Variants in ERBB4 observed in about 807,000 individuals in gnomAD.
The protein encoded by ERBB4 is erb-b2 receptor tyrosine kinase 4, also known as receptor tyrosine-protein kinase erbB-4.
ERBB4 carries 42 observed loss-of-function variants against 158.0 expected under a neutral mutation model. That is an observed-to-expected ratio of 0.27 (90% CI 0.21 to 0.34). The LOEUF is 0.34. Among genes scored for constraint, ERBB4 ranks in the 10% least tolerant of loss-of-function variants. The pLI, the probability that ERBB4 is intolerant of heterozygous loss-of-function variation, is 1.00. For synonymous variants in ERBB4, 583 were observed against 558.7 expected, an observed-to-expected ratio of 1.04 and a Z score of -0.61; for missense variants, 1,333 against 1,624.1, an observed-to-expected ratio of 0.82 and a Z score of 3.08.
intron 1 of ERBB4, among the ~76,000 whole-genome samples, chr2:212,331,071 T>TATATATATATATATAC (rs147932949): frequency 0.058 from 7,009 of 119,942 alleles, 574 homozygotes; most frequent in African/African-American, 0.092. Context: ...TATATATATA[T>TATATATATATATATAC]ACACATATAT....
intron 14 of ERBB4, among the ~76,000 whole-genome samples, chr2:211,668,031 T>C (rs2071694789): frequency 6.6e-6 from 1 of 152,198 alleles, no homozygotes; most frequent in Admixed American, 6.5e-5. Context: ...GCCTACTTTA[T>C]ACCTAGGCCA....
At chr2:211,976,405 T>C (rs2081607058) in intron 2 of ERBB4, among the ~76,000 whole-genome samples, 2 of 152,178 alleles carry the variant, frequency 1.3e-5, no homozygotes, top group Admixed American at 1.3e-4. Context: ...GAAAATATTT[T>C]ACATTATCTT....
chr2:211,651,480 A>G (rs945681858), intron 16 of ERBB4, among the ~76,000 whole-genome samples: 1 of 152,142 alleles, frequency 6.6e-6, no homozygotes, highest in African/African-American at 2.4e-5. Flanking sequence ...TTTCCCACTT[A>G]TTTAAATTCT....
intron 4 of ERBB4, among the ~76,000 whole-genome samples, chr2:211,774,130 T>C (rs937724576): frequency 6.6e-6 from 1 of 151,004 alleles, no homozygotes; most frequent in Admixed American, 6.6e-5. Flanking sequence ...TGGAGTGCAA[T>C]GGTGTGATCT....
At chr2:211,635,186 G>GTTGTTTGTTTTTT (rs2125883337) in intron 16 of ERBB4, among the ~76,000 whole-genome samples, 1 of 152,254 alleles carries the variant, frequency 6.6e-6, no homozygotes, top group Admixed American at 6.5e-5. Context: ...TCCAAGCTTA[G>GTTGTTTGTTTTTT]ACTAAAAGGA....
At chr2:211,509,374 G>C (rs1184438208) in intron 20 of ERBB4, among the ~76,000 whole-genome samples, 2 of 151,924 alleles carry the variant, frequency 1.3e-5, no homozygotes, top group Admixed American at 1.3e-4. Flanking sequence ...AAATAAAACT[G>C]GGATAACTGG....
intron 19 of ERBB4, among the ~76,000 whole-genome samples, chr2:211,579,328 G>T (rs937364407): frequency 1.3e-5 from 2 of 152,102 alleles, no homozygotes; most frequent in Non-Finnish European, 2.9e-5. Context: ...GGAGATATAG[G>T]AACACTTTTA....
intron 1 of ERBB4, among the ~76,000 whole-genome samples, chr2:212,218,195 T>C (rs891058503): frequency 2.0e-5 from 3 of 151,314 alleles, no homozygotes; most frequent in African/African-American, 7.3e-5. Flanking sequence ...AATTACAGGA[T>C]CAGCTTTGGG....
chr2:212,036,263 A>T (rs373665006), intron 2 of ERBB4, among the ~76,000 whole-genome samples: 2 of 152,122 alleles, frequency 1.3e-5, no homozygotes, highest in African/African-American at 4.8e-5. Context: ...AACTTGATTT[A>T]AAAAAAGGAT....
intron 3 of ERBB4, among the ~76,000 whole-genome samples, chr2:211,881,590 T>C (rs1391140529): frequency 3.6e-4 from 2 of 5,620 alleles, no homozygotes; most frequent in Non-Finnish European, 5.6e-4. Flanking sequence ...AATAAAAGAT[T>C]GGGGTGGGGG....
At chr2:211,391,904 T>C (rs1453422313) in intron 25 of ERBB4, among the ~76,000 whole-genome samples, 5 of 152,222 alleles carry the variant, frequency 3.3e-5, no homozygotes, top group Admixed American at 1.3e-4. Flanking sequence ...GCCTAGCTTC[T>C]ATCTAAATTA....
At chr2:211,809,712 T>C (rs1198382102) in intron 3 of ERBB4, among the ~76,000 whole-genome samples, 2 of 152,206 alleles carry the variant, frequency 1.3e-5, no homozygotes, top group Non-Finnish European at 2.9e-5. Context: ...TGATCTTAGT[T>C]ATTTCTTGCC....
At chr2:212,163,576 A>G (rs2081264471) in intron 1 of ERBB4, among the ~76,000 whole-genome samples, 1 of 151,874 alleles carries the variant, frequency 6.6e-6, no homozygotes, top group African/African-American at 2.4e-5. Context: ...TAGAATAATG[A>G]ATAATTTTTA....
chr2:212,268,958 A>G (rs2085248827), intron 1 of ERBB4, among the ~76,000 whole-genome samples: 1 of 151,892 alleles, frequency 6.6e-6, no homozygotes, highest in African/African-American at 2.4e-5. Context: ...ACTTCTGTCT[A>G]TTCAAAAAAC....
intron 1 of ERBB4, among the ~76,000 whole-genome samples, chr2:212,349,319 A>C (rs1489067507): frequency 7.3e-5 from 11 of 150,970 alleles, no homozygotes; most frequent in African/African-American, 2.7e-4. Flanking sequence ...ACACACACAC[A>C]CACCCTTCAA....
At chr2:212,395,585 G>A (rs890429798) in intron 1 of ERBB4, among the ~76,000 whole-genome samples, 1 of 147,724 alleles carries the variant, frequency 6.8e-6, no homozygotes, top group Non-Finnish European at 1.5e-5. Flanking sequence ...GAGTATTAAT[G>A]ACAGGACAGA....
intron 1 of ERBB4, among the ~76,000 whole-genome samples, chr2:212,506,053 A>T (rs1266215043): frequency 6.7e-6 from 1 of 148,926 alleles, no homozygotes; most frequent in Admixed American, 6.7e-5. Context: ...GCATCTCTGG[A>T]CACATAGAAT....
At chr2:212,524,172 C>T (rs1340601096) in intron 1 of ERBB4, among the ~76,000 whole-genome samples, 1 of 151,958 alleles carries the variant, frequency 6.6e-6, no homozygotes, top group East Asian at 1.9e-4. Flanking sequence ...TTAAAAAACA[C>T]ATGTCCAAAT....
intron 2 of ERBB4, among the ~76,000 whole-genome samples, chr2:211,993,961 T>G (rs1428067697): frequency 6.7e-6 from 1 of 150,142 alleles, no homozygotes; most frequent in Non-Finnish European, 1.5e-5. Flanking sequence ...GTTTTATAAT[T>G]ATTAGTGTCT....
Sources: gnomAD v4.1 joint callset for allele counts (sites outside exome capture counted in the v4.1 genomes callset) on GRCh38, gnomAD v4.1.1 for gene constraint, MANE v1.5 for transcripts, NCBI Gene and HGNC (gene_info 2026-07-23, HGNC 2026-07-21) for gene names.